Variants in LRPAP1 observed in about 807,000 individuals in gnomAD.
LRPAP1 encodes LDL receptor related protein associated protein 1.
LRPAP1 carries 41 observed loss-of-function variants against 39.9 expected under a neutral mutation model. The observed-to-expected ratio is 1.03, with a 90% CI of 0.80 to 1.33. LRPAP1 has a LOEUF of 1.33. LRPAP1 is among the 40% of genes most tolerant of loss of function. The pLI is 0.00. For missense variants in LRPAP1, 565 were observed against 482.3 expected, an observed-to-expected ratio of 1.17 and a Z score of -1.61; for synonymous variants, 263 against 212.7, an observed-to-expected ratio of 1.24 and a Z score of -2.06.
At position 3,510,626 on chromosome 4, in the gene LRPAP1, G is replaced by C. The variant is rs1280875151; in HGVS notation, c.*2348C>G. The stretch of plus-strand genomic sequence containing the variant: ...ACTGGAAACGTACACTCCTGAGTAG[G>C]GACTGGATACACACGCGGCACACAC... On this transcript the variant is annotated 3_prime_UTR_variant, in exon 8 of 8. Coordinates refer to ENST00000650182, the MANE Select transcript of LRPAP1 (RefSeq NM_002337.4). The C allele has an allele frequency of 6.6e-6, 1 of 152,282 alleles. No homozygotes were observed. The highest frequency in any genetic ancestry group is 6.5e-5 in the Admixed American group (1 of 15,292). 9.4% of individuals were successfully genotyped at this position (152,282 alleles called of 1,614,324 possible).
Position 3,508,574 on chromosome 4 carries a change from C to T in LRPAP1, c.*4400G>A, listed in dbSNP as rs1046572984. 2 of 152,202 alleles carry T rather than the reference C, an allele frequency of 1.3e-5. No homozygotes were observed. The highest frequency in any genetic ancestry group is 2.9e-5 in the Non-Finnish European group (2 of 68,050). 9.4% of individuals were successfully genotyped at this position (152,202 alleles called of 1,614,324 possible). On this transcript the variant is annotated 3_prime_UTR_variant, in exon 8 of 8. Coordinates refer to ENST00000650182, the MANE Select transcript of LRPAP1 (RefSeq NM_002337.4). ...TCCTTAGCCCGGTATGAGCAAATCT[C>T]ATCTGGCCATGCAGAGAAAAGGCCA...
At chr4:3,530,958 C>T (rs1037659427) in intron 1 of LRPAP1, among the ~76,000 whole-genome samples, 2 of 152,122 alleles carry the variant, frequency 1.3e-5, no homozygotes, top group African/African-American at 4.8e-5. Flanking sequence ...ACCCACTCAA[C>T]AGATGCCCAG....
intron 7 of LRPAP1, among the ~76,000 whole-genome samples, chr4:3,514,039 C>T (rs982327326): frequency 2.0e-5 from 3 of 152,248 alleles, no homozygotes; most frequent in East Asian, 1.9e-4. Flanking sequence ...CCCCGCGTCT[C>T]GCGGGAGCGC....
intron 2 of LRPAP1, among the ~76,000 whole-genome samples, chr4:3,521,307 C>T (rs546328941): frequency 4.6e-5 from 7 of 152,282 alleles, no homozygotes; most frequent in East Asian, 1.9e-4. Context: ...AGCCTCCCTT[C>T]GCCTCACACT....
rs560191136 is a variant in LRPAP1 at position 3,518,155 on chromosome 4, G to A, written c.630C>T (p.Ser210=). ...HENVISPSDL[S]DIKGSVLHSR... ...TGTGCAGGACGCTGCCCTTGATGTC[G>A]CTCAGGTCCGAGGGGCTAATGACGT... is the stretch of plus-strand genomic sequence containing the variant. The change falls in exon 5 of 8, where the codon AGC becomes AGT. Residue 210 remains serine, a synonymous_variant. Coordinates refer to ENST00000650182, the MANE Select transcript of LRPAP1 (RefSeq NM_002337.4). 4.8e-5 allele frequency: 78 copies of A among 1,613,242 alleles called. No individual in the cohort carries two copies. The highest frequency in any genetic ancestry group is 6.2e-5 in the Non-Finnish European group (73 of 1,179,806).
intron 1 of LRPAP1, among the ~76,000 whole-genome samples, chr4:3,530,047 C>G (rs2108699006): frequency 6.6e-6 from 1 of 152,330 alleles, no homozygotes; most frequent in South Asian, 2.1e-4. Context: ...CCGTCTCCGT[C>G]TGATACCTAC....
chr4:3,512,871 C>A lies in LRPAP1; in HGVS notation c.*103G>T, dbSNP rs1729572729. 1.1e-5 allele frequency: 11 copies of A among 1,016,530 alleles called. No individual in the cohort carries two copies. In the South Asian group the frequency reaches 1.4e-4, roughly 13 times the overall value. 63.0% of individuals were successfully genotyped at this position (1,016,530 alleles called of 1,614,324 possible). On this transcript the variant is annotated 3_prime_UTR_variant, in exon 8 of 8. Transcript: ENST00000650182. ...CTTCCTGCCTCGACACCCGTGCCAGCCCCAGCCACCCTGACGGCGGGCTGT... is the reference window on the plus strand; with the variant it reads ...CTTCCTGCCTCGACACCCGTGCCAGACCCAGCCACCCTGACGGCGGGCTGT...
At position 3,518,958 on chromosome 4, in the gene LRPAP1, G is replaced by A. The variant is rs1307093043; in HGVS notation, c.505C>T (p.Leu169=). 6.2e-7 allele frequency: 1 copy of A among 1,613,950 alleles called. No homozygotes were observed. Among genetic ancestry groups the A allele is most frequent in the Non-Finnish European group, 8.5e-7 (1 of 1,180,002 alleles). ...KTSGKFSGEE[L]DKLWREFLHH... is the part of the protein sequence containing the mutation. ...AGGAACTCCCGCCAGAGCTTGTCCA[G>A]TTCTTCGCCGGAGAATTTCCCAGAG... is the stretch of plus-strand genomic sequence containing the variant. The change falls in exon 4 of 8, where the codon CTG becomes TTG. Residue 169 remains leucine (L), a synonymous_variant. Transcript: ENST00000650182.
At chr4:3,526,803 A>G (rs751939130) in intron 1 of LRPAP1, among the ~76,000 whole-genome samples, 5 of 152,140 alleles carry the variant, frequency 3.3e-5, no homozygotes, top group African/African-American at 7.2e-5. Context: ...ACCCCTGACC[A>G]CAGGCCCTGT....
intron 2 of LRPAP1, 78 bp downstream of exon 2, chr4:3,524,829 C>T (rs575693317): frequency 8.2e-5 from 125 of 1,521,530 alleles, no homozygotes; most frequent in African/African-American, 2.6e-4. Context: ...AAACAAAATC[C>T]GACATCCAAA....
intron 2 of LRPAP1, 113 bp downstream of exon 2, chr4:3,524,794 A>G: frequency 1.7e-6 from 2 of 1,202,236 alleles, no homozygotes; most frequent in South Asian, 2.7e-5. Context: ...CAGATTAAGC[A>G]TAATGCAAAT....
intron 1 of LRPAP1, 43 bp downstream of exon 1, chr4:3,532,166 C>T: frequency 6.5e-7 from 1 of 1,543,886 alleles, no homozygotes; most frequent in South Asian, 1.2e-5. Flanking sequence ...AACCACGGCC[C>T]CCGCCCCCAG....
At chr4:3,515,681 A>G (rs908580919) in intron 6 of LRPAP1, among the ~76,000 whole-genome samples, 25 of 152,038 alleles carry the variant, frequency 1.6e-4, no homozygotes, top group African/African-American at 6.0e-4. Context: ...CCTCAGAATG[A>G]TCTGGCACTC....
At chr4:3,519,015 G>C (rs746880789) in intron 3 of LRPAP1, 24 bp from the exon 4 acceptor site, 2 of 1,608,740 alleles carry the variant, frequency 1.2e-6, no homozygotes, top group Non-Finnish European at 8.5e-7. Flanking sequence ...AAGGCCTGGA[G>C]TGAACCCGCC....
At chr4:3,525,170 G>T in intron 1 of LRPAP1, 119 bp from the exon 2 acceptor site, 2 of 1,140,094 alleles carry the variant, frequency 1.8e-6, no homozygotes, top group Non-Finnish European at 2.6e-6. Context: ...AAGAGGTGGA[G>T]TCAGGGTCAC....
intron 2 of LRPAP1, among the ~76,000 whole-genome samples, chr4:3,521,501 T>C (rs1462281756): frequency 6.6e-6 from 1 of 152,134 alleles, no homozygotes; most frequent in Non-Finnish European, 1.5e-5. Context: ...CTGCCAGCCC[T>C]GGGGAGTGTC....
intron 1 of LRPAP1, among the ~76,000 whole-genome samples, chr4:3,528,306 T>A (rs183701438): frequency 6.6e-6 from 1 of 152,156 alleles, no homozygotes; most frequent in African/African-American, 2.4e-5. Context: ...ACGACGCCGG[T>A]CCTGTGTCCC....
At chr4:3,523,841 G>GCCACCC (rs1729996598) in intron 2 of LRPAP1, among the ~76,000 whole-genome samples, 1 of 152,208 alleles carries the variant, frequency 6.6e-6, no homozygotes, top group South Asian at 2.1e-4. Context: ...TGCGATGGCA[G>GCCACCC]CCACCCCCAC....
chr4:3,510,776 G>C lies in LRPAP1; in HGVS notation c.*2198C>G, dbSNP rs922892410. 2 of 152,318 alleles carry C rather than the reference G, an allele frequency of 1.3e-5. No individual in the cohort carries two copies. The highest frequency in any genetic ancestry group is 3.8e-4 in the East Asian group (2 of 5,204). The allele number at this position is 152,318 out of a possible 1,614,324, so 9.4% of individuals were successfully genotyped here. On this transcript the variant is annotated 3_prime_UTR_variant, in exon 8 of 8. Transcript: ENST00000650182. The stretch of plus-strand genomic sequence containing the variant: ...GCAGACATACACAGACGCACGCAAA[G>C]ACACAGACTGCCCAGAGCCATGCAC...
Sources: allele counts gnomAD v4.1 joint callset (sites outside exome capture counted in the v4.1 genomes callset), GRCh38; gene constraint gnomAD v4.1.1; transcripts MANE v1.5; gene names NCBI Gene and HGNC (gene_info 2026-07-23, HGNC 2026-07-21).